Variants in NRXN3 observed in about 807,000 individuals in gnomAD.
NRXN3 encodes neurexin III.
A neutral mutation model predicts 137.6 loss-of-function variants in NRXN3; 32 were observed. That is an observed-to-expected ratio of 0.23 (90% CI 0.18 to 0.31). NRXN3 has a LOEUF of 0.31. NRXN3 is among the 10% of genes least tolerant of loss of function. The pLI, the probability that NRXN3 is intolerant of heterozygous loss-of-function variation, is 1.00. For missense variants in NRXN3, 1,574 were observed against 2,062.5 expected, an observed-to-expected ratio of 0.76 and a Z score of 4.59; for synonymous variants, 798 against 784.5, an observed-to-expected ratio of 1.02 and a Z score of -0.29.
intron 4 of NRXN3, among the ~76,000 whole-genome samples, chr14:78,558,778 A>G (rs551426331): frequency 6.6e-6 from 1 of 152,340 alleles, no homozygotes; most frequent in South Asian, 2.1e-4. Context: ...AAAAATAATG[A>G]TAAATTATAT....
chr14:78,654,561 A>G (rs530090595), intron 6 of NRXN3, among the ~76,000 whole-genome samples: 1 of 152,350 alleles, frequency 6.6e-6, no homozygotes, highest in East Asian at 1.9e-4. Flanking sequence ...ACTGGATATT[A>G]CTTGTGTGCG....
At chr14:78,620,470 A>G (rs75100327) in intron 4 of NRXN3, among the ~76,000 whole-genome samples, 1,529 of 152,286 alleles carry the variant, frequency 0.01, 30 homozygotes, top group African/African-American at 0.035. Flanking sequence ...ATGCCTTTTT[A>G]TCAGAGGTAC....
intron 4 of NRXN3, among the ~76,000 whole-genome samples, chr14:78,642,370 T>A (rs1245294972): frequency 6.6e-6 from 1 of 152,238 alleles, no homozygotes; most frequent in Non-Finnish European, 1.5e-5. Flanking sequence ...CTCCTTGCTC[T>A]AATTATATAA....
At chr14:79,742,568 C>T (rs890177975) in intron 19 of NRXN3, among the ~76,000 whole-genome samples, 4 of 152,060 alleles carry the variant, frequency 2.6e-5, no homozygotes, top group African/African-American at 4.8e-5. Context: ...GAAGTTGGGC[C>T]ATGTTTTTAA....
chr14:78,713,714 C>T (rs1161630439), intron 7 of NRXN3, among the ~76,000 whole-genome samples: 6 of 152,178 alleles, frequency 3.9e-5, no homozygotes, highest in African/African-American at 9.7e-5. Context: ...GAAGCAAACA[C>T]GTCCTTCTTC....
chr14:79,555,429 G>A (rs1378249942), intron 16 of NRXN3, among the ~76,000 whole-genome samples: 1 of 152,088 alleles, frequency 6.6e-6, no homozygotes, highest in African/African-American at 2.4e-5. Context: ...TGGGTAGCAG[G>A]CAATGTATGA....
At chr14:79,174,501 T>TTATATATATATATA (rs68143466) in intron 15 of NRXN3, among the ~76,000 whole-genome samples, 181 of 143,546 alleles carry the variant, frequency 1.3e-3, no homozygotes, top group East Asian at 4.7e-3. Context: ...ATTGAAAGTT[T>TTATATATATATATA]TATATATATA....
chr14:78,773,045 ACT>A (rs1334986517), intron 8 of NRXN3, among the ~76,000 whole-genome samples: 2 of 151,952 alleles, frequency 1.3e-5, no homozygotes, highest in African/African-American at 4.8e-5. Flanking sequence ...CTCATAATAA[ACT>A]CTGAGTAGAC....
intron 4 of NRXN3, among the ~76,000 whole-genome samples, chr14:78,319,418 C>CTCCT (rs768778184): frequency 1.6e-4 from 25 of 152,344 alleles, no homozygotes; most frequent in Non-Finnish European, 3.1e-4. Flanking sequence ...GTCTACCAGA[C>CTCCT]TCCTCTTCAT....
chr14:79,514,622 T>C (rs1341991465), intron 16 of NRXN3, among the ~76,000 whole-genome samples: 3 of 152,166 alleles, frequency 2.0e-5, no homozygotes, highest in African/African-American at 7.2e-5. Flanking sequence ...AATATATGAA[T>C]TTAATCAATT....
chr14:79,148,711 A>T (rs1430083246), intron 15 of NRXN3, among the ~76,000 whole-genome samples: 1 of 152,154 alleles, frequency 6.6e-6, no homozygotes, highest in African/African-American at 2.4e-5. Context: ...CCCTAGATTG[A>T]GATTAAAATA....
intron 4 of NRXN3, among the ~76,000 whole-genome samples, chr14:78,572,220 C>T (rs759166620): frequency 2.0e-5 from 3 of 152,148 alleles, no homozygotes; most frequent in African/African-American, 7.2e-5. Flanking sequence ...TTTCTTATCC[C>T]TTCTCTAGTT....
intron 20 of NRXN3, among the ~76,000 whole-genome samples, chr14:79,836,371 T>C (rs2099343698): frequency 6.6e-6 from 1 of 152,202 alleles, no homozygotes; most frequent in Admixed American, 6.5e-5. Context: ...CCAACTGACA[T>C]TTAATGCACT....
At chr14:78,434,173 A>G (rs1294084022) in intron 4 of NRXN3, among the ~76,000 whole-genome samples, 1 of 152,160 alleles carries the variant, frequency 6.6e-6, no homozygotes, top group Admixed American at 6.5e-5. Flanking sequence ...TGGGTGCTCA[A>G]AGTAAGGTGA....
chr14:79,800,204 T>C (rs987278284), intron 19 of NRXN3, among the ~76,000 whole-genome samples: 2 of 152,214 alleles, frequency 1.3e-5, no homozygotes, highest in Admixed American at 6.5e-5. Context: ...AATGTGAAGA[T>C]GACATTGAAC....
At chr14:79,352,634 A>G (rs1215881157) in intron 15 of NRXN3, among the ~76,000 whole-genome samples, 1 of 152,174 alleles carries the variant, frequency 6.6e-6, no homozygotes, top group African/African-American at 2.4e-5. Flanking sequence ...AACAGAATAA[A>G]AATTAATTGG....
At chr14:78,834,552 G>T (rs949902717) in intron 10 of NRXN3, among the ~76,000 whole-genome samples, 1 of 152,136 alleles carries the variant, frequency 6.6e-6, no homozygotes, top group African/African-American at 2.4e-5. Context: ...CCTTTGAGTG[G>T]CTGGCTTGCG....
intron 20 of NRXN3, among the ~76,000 whole-genome samples, chr14:79,818,159 T>C (rs35732569): frequency 0.14 from 19,794 of 145,908 alleles, 1,551 homozygotes; most frequent in Middle Eastern, 0.23. Context: ...GTTCACGCCA[T>C]TCTCCTGCCT....
At chr14:79,369,738 C>T (rs912507176) in intron 15 of NRXN3, among the ~76,000 whole-genome samples, 3 of 152,134 alleles carry the variant, frequency 2.0e-5, no homozygotes, top group African/African-American at 4.8e-5. Flanking sequence ...ATAGTCTCTG[C>T]GCTAGTGTAA....
Sources: allele counts gnomAD v4.1 joint callset (sites outside exome capture counted in the v4.1 genomes callset), GRCh38; gene constraint gnomAD v4.1.1; transcripts MANE v1.5; gene names NCBI Gene and HGNC (gene_info 2026-07-23, HGNC 2026-07-21).